DISC1: variants seen among roughly 807,000 people sequenced by gnomAD.
DISC1 encodes the protein disrupted in schizophrenia 1 protein.
A neutral mutation model predicts 84.5 loss-of-function variants in DISC1; 57 were observed. The observed-to-expected ratio is 0.67, with a 90% CI of 0.55 to 0.84. The LOEUF is 0.84. Among genes scored for constraint, DISC1 ranks in the 40% least tolerant of loss-of-function variants. The pLI, the probability that DISC1 is intolerant of heterozygous loss-of-function variation, is 0.00. For missense variants in DISC1, 1,000 were observed against 1,057.8 expected (o/e 0.95, Z 0.76); for synonymous variants, 411 against 415.2 (o/e 0.99, Z 0.12).
At chr1:231,701,211 C>G (rs1056343353) in intron 2 of DISC1, among the ~76,000 whole-genome samples, 4 of 152,158 alleles carry the variant, frequency 2.6e-5, no homozygotes, top group African/African-American at 9.7e-5. Context: ...ATAAAACCAT[C>G]AGATCTCATG....
At chr1:231,943,403 C>T (rs2091455361) in intron 9 of DISC1, among the ~76,000 whole-genome samples, 1 of 152,236 alleles carries the variant, frequency 6.6e-6, no homozygotes, top group African/African-American at 2.4e-5. Flanking sequence ...GACAACCAGG[C>T]TTGGGATTAG....
intron 8 of DISC1, among the ~76,000 whole-genome samples, chr1:231,809,699 G>C (rs2080102974): frequency 6.6e-6 from 1 of 151,912 alleles, no homozygotes; most frequent in Non-Finnish European, 1.5e-5. Flanking sequence ...CAATAAACTA[G>C]ATTTTCTAGA....
intron 11 of DISC1, among the ~76,000 whole-genome samples, chr1:232,010,373 C>T (rs752522569): frequency 2.0e-5 from 3 of 152,078 alleles, no homozygotes; most frequent in Non-Finnish European, 4.4e-5. Context: ...ACTGCAGGCT[C>T]TGGGAATGAG....
intron 8 of DISC1, among the ~76,000 whole-genome samples, chr1:231,803,912 A>G (rs1414881168): frequency 7.3e-6 from 1 of 136,220 alleles, no homozygotes; most frequent in Non-Finnish European, 1.5e-5. Context: ...GCGCCACTAC[A>G]CTCCAGCCTG....
intron 1 of DISC1, among the ~76,000 whole-genome samples, chr1:231,631,220 T>A (rs562414160): frequency 1.3e-5 from 2 of 152,342 alleles, no homozygotes; most frequent in African/African-American, 4.8e-5. Flanking sequence ...CTGAGAACTA[T>A]GTATGCAGAG....
intron 3 of DISC1, among the ~76,000 whole-genome samples, chr1:231,739,680 C>T (rs963086294): frequency 6.6e-6 from 1 of 152,248 alleles, no homozygotes; most frequent in East Asian, 1.9e-4. Flanking sequence ...TGTAGCCCAA[C>T]AGTCTAGCAA....
chr1:231,777,877 G>A (rs1357791577), intron 6 of DISC1, among the ~76,000 whole-genome samples: 1 of 152,222 alleles, frequency 6.6e-6, no homozygotes, highest in African/African-American at 2.4e-5. Context: ...TGAGGCTGCT[G>A]AGGGTCCAAG....
intron 6 of DISC1, among the ~76,000 whole-genome samples, chr1:231,788,293 C>CA (rs1199751465): frequency 6.6e-6 from 1 of 151,802 alleles, no homozygotes; most frequent in African/African-American, 2.4e-5. Flanking sequence ...TCAGAAAAAA[C>CA]AAAAAAAGTC....
At chr1:231,822,999 A>C (rs759415279) in intron 9 of DISC1, among the ~76,000 whole-genome samples, 10 of 152,200 alleles carry the variant, frequency 6.6e-5, no homozygotes, top group Non-Finnish European at 1.0e-4. Context: ...CTCTACCTTC[A>C]ACATTGGGGG....
intron 10 of DISC1, among the ~76,000 whole-genome samples, chr1:232,004,315 A>G (rs1667068043): frequency 6.6e-6 from 1 of 152,084 alleles, no homozygotes; most frequent in African/African-American, 2.4e-5. Context: ...GTAATAAGAT[A>G]GCAAACCTTT....
At chr1:231,992,861 G>A (rs1171614074) in intron 10 of DISC1, among the ~76,000 whole-genome samples, 3 of 152,154 alleles carry the variant, frequency 2.0e-5, no homozygotes, top group African/African-American at 7.2e-5. Flanking sequence ...TAGTTATTGA[G>A]TTCTTATAGT....
chr1:231,893,673 A>G (rs2087439167), intron 9 of DISC1, among the ~76,000 whole-genome samples: 1 of 152,070 alleles, frequency 6.6e-6, no homozygotes, highest in Non-Finnish European at 1.5e-5. Context: ...GGAGGAAGGA[A>G]GATAGATAGG....
intron 10 of DISC1, among the ~76,000 whole-genome samples, chr1:231,961,108 G>A (rs1660324652): frequency 6.6e-6 from 1 of 152,202 alleles, no homozygotes; most frequent in Non-Finnish European, 1.5e-5. Context: ...GAAGCTCTCT[G>A]TACCCTCTCC....
chr1:231,832,116 A>G (rs1342302083), intron 9 of DISC1, among the ~76,000 whole-genome samples: 1 of 151,682 alleles, frequency 6.6e-6, no homozygotes, highest in Non-Finnish European at 1.5e-5. Flanking sequence ...AACAGTGGTA[A>G]TTGTGGGACA....
chr1:232,010,878 T>C (rs1305027750), intron 11 of DISC1, among the ~76,000 whole-genome samples: 1 of 152,110 alleles, frequency 6.6e-6, no homozygotes, highest in Non-Finnish European at 1.5e-5. Flanking sequence ...TGGGTATAGG[T>C]TGTACACTTT....
At chr1:231,745,863 A>T (rs1342354347) in intron 3 of DISC1, among the ~76,000 whole-genome samples, 1 of 152,070 alleles carries the variant, frequency 6.6e-6, no homozygotes, top group African/African-American at 2.4e-5. Flanking sequence ...CATGGGGTGG[A>T]TCCCTCGAGA....
chr1:231,938,002 A>G (rs778160385), intron 9 of DISC1, among the ~76,000 whole-genome samples: 2 of 152,022 alleles, frequency 1.3e-5, no homozygotes, highest in African/African-American at 4.8e-5. Context: ...TGACCACTCC[A>G]TCTCTGTTCT....
intron 1 of DISC1, among the ~76,000 whole-genome samples, chr1:231,631,956 A>T (rs1415151434): frequency 6.6e-6 from 1 of 152,190 alleles, no homozygotes; most frequent in African/African-American, 2.4e-5. Context: ...TGCAAGCTCC[A>T]TGCATGATAA....
At chr1:231,655,876 T>A (rs2061022298) in intron 1 of DISC1, among the ~76,000 whole-genome samples, 1 of 152,198 alleles carries the variant, frequency 6.6e-6, no homozygotes, top group Non-Finnish European at 1.5e-5. Flanking sequence ...TTTCGTATGT[T>A]TCTTGGCCAT....
Sources: gnomAD v4.1 joint callset for allele counts (sites outside exome capture counted in the v4.1 genomes callset) on GRCh38, gnomAD v4.1.1 for gene constraint, MANE v1.5 for transcripts, NCBI Gene and HGNC (gene_info 2026-07-23, HGNC 2026-07-21) for gene names.